The following TAAR5 variants were observed in gnomAD, a reference collection of about 807,000 sequenced individuals.
The protein encoded by TAAR5 is trace amine associated receptor 5, also known as trace amine-associated receptor 5.
In TAAR5, 27 loss-of-function variants were observed where a neutral mutation model predicts 21.1. That is an observed-to-expected ratio of 1.28 (90% CI 0.94 to 1.76). The LOEUF is 1.76. Among genes scored for constraint, TAAR5 ranks in the 40% most tolerant of loss-of-function variants. TAAR5 has a pLI of 0.00. For missense variants in TAAR5, 495 were observed against 405.6 expected (o/e 1.22, Z -1.89); for synonymous variants, 203 against 167.5 (o/e 1.21, Z -1.64).
chr6:132,604,501 T>A, the TAAR5 span, among the ~76,000 whole-genome samples: 4 of 151,708 alleles, frequency 2.6e-5, no homozygotes, highest in African/African-American at 9.7e-5. Flanking sequence ...AAACTGATCT[T>A]AAAAATTAAA....
chr6:132,603,248 A>G, the TAAR5 span, among the ~76,000 whole-genome samples: 1 of 147,918 alleles, frequency 6.8e-6, no homozygotes, highest in African/African-American at 2.5e-5. Context: ...GGCTGTAGTG[A>G]GCCGTGATTG....
upstream of TAAR5, among the ~76,000 whole-genome samples, chr6:132,590,296 A>G (rs751859194): frequency 1.9e-4 from 29 of 152,250 alleles, no homozygotes; most frequent in Non-Finnish European, 3.8e-4. Flanking sequence ...GCAAATATTA[A>G]TAATTAAAAG....
chr6:132,606,494 T>C, the TAAR5 span, among the ~76,000 whole-genome samples: 1 of 152,200 alleles, frequency 6.6e-6, no homozygotes, highest in South Asian at 2.1e-4. Context: ...ACTTGGCAGT[T>C]CTTCTCACCT....
In TAAR5 at chr6:132,589,598, G is replaced by C; in HGVS notation, c.89C>G (p.Thr30Ser). ...VNGSCPRTVH[T>S]LGIQLVIYLA... ...GTAGATGACCAACTGGATGCCCAGA[G>C]TATGTACTGTCCTGGGGCAAGACCC... The change falls in exon 1 of 1, where the codon ACT (threonine) becomes AGT (serine). Residue 30 changes from threonine to serine, a missense_variant. By Grantham distance (58) the Thr-to-Ser change is moderately conservative. Coordinates refer to ENST00000258034, the MANE Select transcript of TAAR5 (RefSeq NM_003967.3). 1.9e-6 allele frequency: 3 copies of C among 1,613,968 alleles called. No individual in the cohort carries two copies. Among genetic ancestry groups the C allele is most frequent in the Non-Finnish European group, 2.5e-6 (3 of 1,179,952 alleles).
chr6:132,605,097 T>C, the TAAR5 span, among the ~76,000 whole-genome samples: 1 of 152,226 alleles, frequency 6.6e-6, no homozygotes, highest in Non-Finnish European at 1.5e-5. Flanking sequence ...AATGGTAAAC[T>C]GTCATCTGAA....
chr6:132,597,917 C>T, the TAAR5 span, among the ~76,000 whole-genome samples: 1 of 152,030 alleles, frequency 6.6e-6, no homozygotes, highest in Admixed American at 6.6e-5. Flanking sequence ...ATTGGAATTT[C>T]AAGGAAAAGG....
chr6:132,616,053 C>T, the TAAR5 span, among the ~76,000 whole-genome samples: 3 of 152,056 alleles, frequency 2.0e-5, no homozygotes, highest in Admixed American at 6.6e-5. Flanking sequence ...ATGCTGGAAC[C>T]ACCCATGATT....
At chr6:132,597,896 T>A in the TAAR5 span, among the ~76,000 whole-genome samples, 1 of 152,186 alleles carries the variant, frequency 6.6e-6, no homozygotes, top group Admixed American at 6.5e-5. Context: ...ATTTTGAAAA[T>A]GTAAACAATT....
At chr6:132,599,617 C>T in the TAAR5 span, among the ~76,000 whole-genome samples, 18 of 152,238 alleles carry the variant, frequency 1.2e-4, no homozygotes, top group African/African-American at 4.3e-4. Flanking sequence ...GCATGAGCCA[C>T]CGCTCCCAGC....
Position 132,588,796 on chromosome 6 carries a change from G to GT in TAAR5, c.890dup (p.Asn297LysfsTer37). On this transcript the variant is annotated frameshift_variant, in exon 1 of 1. Transcript: ENST00000258034. LOFTEE classifies it high-confidence loss of function. The stretch of plus-strand genomic sequence containing the variant: ...CATAGATGATGGGGTTGCAGGCTGA[G>GT]TTGAAGTAAGCAAACCAGATAAAGA... The GT allele has an allele frequency of 6.2e-7, 1 of 1,614,150 alleles. No individual in the cohort carries two copies. The highest frequency in any genetic ancestry group is 1.1e-5 in the South Asian group (1 of 91,074).
chr6:132,611,141 A>G, the TAAR5 span, among the ~76,000 whole-genome samples: 1 of 152,084 alleles, frequency 6.6e-6, no homozygotes, highest in African/African-American at 2.4e-5. Context: ...CTGGAGGACA[A>G]TATGTTAGTT....
upstream of TAAR5, among the ~76,000 whole-genome samples, chr6:132,591,127 C>G (rs1275105117): frequency 2.6e-5 from 4 of 152,116 alleles, no homozygotes; most frequent in Non-Finnish European, 5.9e-5. Context: ...TTTCTTATGC[C>G]ATACCTAACC....
chr6:132,609,852 A>G, the TAAR5 span, among the ~76,000 whole-genome samples: 1 of 152,214 alleles, frequency 6.6e-6, no homozygotes. Flanking sequence ...GTACCATGAA[A>G]CATGGCTGTT....
the TAAR5 span, among the ~76,000 whole-genome samples, chr6:132,606,956 G>A: frequency 1.3e-5 from 2 of 152,322 alleles, no homozygotes; most frequent in East Asian, 3.9e-4. Flanking sequence ...AGCACTTTGG[G>A]AGGCTGAGGA....
At chr6:132,595,670 T>G in the TAAR5 span, among the ~76,000 whole-genome samples, 4 of 152,140 alleles carry the variant, frequency 2.6e-5, no homozygotes, top group Admixed American at 6.6e-5. Flanking sequence ...AAACACAGAT[T>G]CTGATTCTAG....
At chr6:132,594,950 G>A in the TAAR5 span, 4 of 152,210 alleles carry the variant, frequency 2.6e-5, no homozygotes, top group Non-Finnish European at 5.9e-5. Context: ...AAGGCAAAAA[G>A]GATGGGAATG....
In TAAR5 at chr6:132,588,998, G is replaced by A. The variant is rs745969010; in HGVS notation, c.689C>T (p.Ala230Val). 6.2e-7 allele frequency: 1 copy of A among 1,613,672 alleles called. No homozygotes were observed. The highest frequency in any genetic ancestry group is 1.7e-5 in the Admixed American group (1 of 59,988). Residue 230 changes from alanine to valine, a missense_variant, in exon 1 of 1, where the codon GCT (alanine) becomes GTT (valine). Physicochemically the swap from Ala to Val is moderately conservative, Grantham distance 64 (BLOSUM62 0). Coordinates refer to ENST00000258034, the MANE Select transcript of TAAR5 (RefSeq NM_003967.3). ...TTTGCTCAATGTGGTAATCTGCTGA[G>A]CCTGTCTGGTAGCAACCACAAAGAT... ...VKIFVVATRQAQQITTLSKSL... is the reference protein window; with the variant it reads ...VKIFVVATRQVQQITTLSKSL...
At chr6:132,609,816 A>G in the TAAR5 span, among the ~76,000 whole-genome samples, 459 of 152,314 alleles carry the variant, frequency 3.0e-3, 7 homozygotes, top group South Asian at 0.043. Flanking sequence ...AGAGTTATAA[A>G]TGGCATATTG....
chr6:132,610,596 T>G, the TAAR5 span, among the ~76,000 whole-genome samples: 4 of 152,146 alleles, frequency 2.6e-5, no homozygotes, highest in African/African-American at 9.7e-5. Context: ...AAAAGTCACC[T>G]CGTTGTGATA....
Sources: gnomAD v4.1 joint callset for allele counts (sites outside exome capture counted in the v4.1 genomes callset) on GRCh38, gnomAD v4.1.1 for gene constraint, MANE v1.5 for transcripts, NCBI Gene and HGNC (gene_info 2026-07-23, HGNC 2026-07-21) for gene names.